The following IDE variants were observed in gnomAD, a reference collection of about 807,000 sequenced individuals.
The protein encoded by IDE is insulin-degrading enzyme.
In IDE, 58 loss-of-function variants were observed where a neutral mutation model predicts 133.2. The observed-to-expected ratio is 0.44, with a 90% CI of 0.35 to 0.54. The LOEUF is 0.54. Among genes scored for constraint, IDE ranks in the 20% least tolerant of loss-of-function variants. The probability of loss-of-function intolerance (pLI) is 0.00; values close to 1 mark genes in which losing one functional copy is unlikely to be tolerated. For synonymous variants in IDE, 396 were observed against 421.3 expected (o/e 0.94, Z 0.73); for missense variants, 981 against 1,234.0 (o/e 0.79, Z 3.07).
chr10:92,472,055 G>T (rs1845996121), intron 17 of IDE, among the ~76,000 whole-genome samples: 1 of 152,134 alleles, frequency 6.6e-6, no homozygotes, highest in South Asian at 2.1e-4. Flanking sequence ...TGAAGAGGCA[G>T]CCTCTCACAC....
intron 4 of IDE, among the ~76,000 whole-genome samples, chr10:92,515,635 C>A (rs1345560912): frequency 1.4e-5 from 2 of 146,620 alleles, no homozygotes; most frequent in African/African-American, 5.0e-5. Context: ...GATCTCGGCT[C>A]ACCCCAACCT....
In IDE at chr10:92,455,566, T is replaced by C. The variant is rs184522345; in HGVS notation, c.2964+10A>G. The C allele has an allele frequency of 3.4e-4, 519 of 1,513,512 alleles. No homozygotes were observed. Among genetic ancestry groups the C allele is most frequent in the Admixed American group, 1.8e-3 (108 of 59,216 alleles). 93.8% of individuals were successfully genotyped at this position (1,513,512 alleles called of 1,614,324 possible). On this transcript the variant is annotated intron_variant, in intron 24 of 24. Transcript: ENST00000265986. ...GTCAGTACAATCTAACATAACGTTA[T>C]ATTTCTTACTTGTGGCAAGGCTGGT...
chr10:92,568,537 C>T (rs1257775266), intron 1 of IDE, among the ~76,000 whole-genome samples: 1 of 152,066 alleles, frequency 6.6e-6, no homozygotes, highest in East Asian at 1.9e-4. Context: ...ATAATACAGC[C>T]GGGCACGGTG....
rs141915194 is a variant in IDE at position 92,504,870 on chromosome 10, C to T, written c.1354G>A (p.Ala452Thr). The T allele has an allele frequency of 4.4e-5, 69 of 1,562,112 alleles. No individual in the cohort carries two copies. The highest frequency in any genetic ancestry group is 5.7e-5 in the Non-Finnish European group (66 of 1,147,958). The change falls in exon 11 of 25, where the codon GCG becomes ACG. Residue 452 changes from alanine to threonine, a missense_variant. Ala to Thr is a moderately conservative substitution (Grantham distance 58). This residue lies in a region of IDE where 660 missense variants were observed against 894.7 expected (regional missense o/e 0.74). Coordinates refer to ENST00000265986, the MANE Select transcript of IDE (RefSeq NM_004969.4). The part of the protein sequence containing the change: ...HYYPLEEVLT[A>T]EYLLEEFRPD... Reference sequence around the variant, plus strand: ...CTAAATTCTTCCAGTAAATATTCCGCTGTGAGCACCTCTTCTAGGGGATAA... The same window carrying T: ...CTAAATTCTTCCAGTAAATATTCCGTTGTGAGCACCTCTTCTAGGGGATAA...
intron 22 of IDE, among the ~76,000 whole-genome samples, chr10:92,460,122 C>G (rs372628063): frequency 6.6e-6 from 1 of 152,138 alleles, no homozygotes; most frequent in Non-Finnish European, 1.5e-5. Context: ...CAGGCGTGAG[C>G]CACCACGCCC....
At chr10:92,527,217 T>C (rs995203241) in intron 4 of IDE, among the ~76,000 whole-genome samples, 11 of 152,208 alleles carry the variant, frequency 7.2e-5, no homozygotes, top group Non-Finnish European at 1.2e-4. Context: ...GAAAGAACTA[T>C]ATTTTTTTCA....
intron 11 of IDE, among the ~76,000 whole-genome samples, chr10:92,499,742 G>A (rs557957474): frequency 3.0e-4 from 46 of 152,188 alleles, no homozygotes; most frequent in African/African-American, 7.7e-4. Context: ...ATGTGTTTTC[G>A]TTAGTGGTTA....
rs982656587 is a variant in IDE at position 92,537,549 on chromosome 10, A to C, written c.100T>G (p.Phe34Val). Reference protein sequence around the residue: ...RLPPPERLCGFQKKTYSKMNN... With the variant: ...RLPPPERLCGVQKKTYSKMNN... ...ATTTTGCTGTAAGTCTTTTTTTGGA[A>C]ACTGAAAAGAAAGAGATTTTTAATT... The change falls in exon 2 of 25, where the codon TTC becomes GTC. Residue 34 changes from phenylalanine to valine, a missense_variant and splice_region_variant. Transcript: ENST00000265986. 3.8e-6 allele frequency: 6 copies of C among 1,583,946 alleles called. No individual in the cohort carries two copies. Among genetic ancestry groups the C allele is most frequent in the Non-Finnish European group, 5.1e-6 (6 of 1,166,088 alleles).
intron 1 of IDE, among the ~76,000 whole-genome samples, chr10:92,569,893 TG>T (rs960272283): frequency 2.6e-5 from 4 of 152,098 alleles, no homozygotes; most frequent in African/African-American, 9.7e-5. Context: ...GCAGATCACC[TG>T]AAGTCAGGAG....
At chr10:92,528,829 C>A (rs1462742652) in intron 4 of IDE, among the ~76,000 whole-genome samples, 1 of 152,146 alleles carries the variant, frequency 6.6e-6, no homozygotes, top group Non-Finnish European at 1.5e-5. Flanking sequence ...GTAATCCCAG[C>A]ACTTTGGAAG....
chr10:92,507,433 C>G (rs966897275), intron 9 of IDE, 142 bp downstream of exon 9: 4 of 638,366 alleles, frequency 6.3e-6, no homozygotes, highest in African/African-American at 1.8e-5. Flanking sequence ...TTAACTAATA[C>G]TATTATACAT....
chr10:92,537,258 T>C (rs1441411670), intron 2 of IDE, 108 bp downstream of exon 2: 8 of 782,822 alleles, frequency 1.0e-5, no homozygotes, highest in East Asian at 2.6e-5. Flanking sequence ...ATAAGGTACA[T>C]GGAACCGGTA....
At chr10:92,508,305 C>G in intron 7 of IDE, 100 bp from the exon 8 acceptor site, 1 of 865,986 alleles carries the variant, frequency 1.2e-6, no homozygotes, top group Non-Finnish European at 1.9e-6. Context: ...CCTAAGATAT[C>G]AGAATGAACC....
chr10:92,572,901 T>C (rs1371579682), intron 1 of IDE: 4 of 984,890 alleles, frequency 4.1e-6, no homozygotes, highest in Non-Finnish European at 4.8e-6. Context: ...CTTCTGACCC[T>C]CATCAACACA....
rs61875366 is a variant in IDE at position 92,482,483 on chromosome 10, A to T, written c.1739+772T>A. ...GCCAGAAATAGAGGAAGCAGTATCTAAGGGTTCCAGACAAAGGACAAAACA... is the reference window on the plus strand; with the variant it reads ...GCCAGAAATAGAGGAAGCAGTATCTTAGGGTTCCAGACAAAGGACAAAACA... On this transcript the variant is annotated intron_variant, in intron 14 of 24. Transcript: ENST00000265986. 7.2e-4 allele frequency among the ~76,000 whole-genome samples: 110 copies of T among 152,356 alleles called. 1 individual carries two copies. In the Middle Eastern group the frequency reaches 0.017, roughly 24 times the overall value.
intron 7 of IDE, among the ~76,000 whole-genome samples, chr10:92,508,524 G>A (rs534043436): frequency 6.8e-6 from 1 of 147,782 alleles, no homozygotes; most frequent in Admixed American, 6.9e-5. Context: ...GACTAGCCTA[G>A]GCAAAATGGC....
At chr10:92,493,628 A>C (rs1847507330) in intron 11 of IDE, among the ~76,000 whole-genome samples, 1 of 152,140 alleles carries the variant, frequency 6.6e-6, no homozygotes, top group Non-Finnish European at 1.5e-5. Flanking sequence ...CTCATCAAGT[A>C]CAGTCCTTAG....
At chr10:92,529,994 G>A (rs770175559) in intron 4 of IDE, among the ~76,000 whole-genome samples, 5 of 152,122 alleles carry the variant, frequency 3.3e-5, no homozygotes, top group Non-Finnish European at 5.9e-5. Flanking sequence ...GGAAGGCCGA[G>A]GCAGGCGGAT....
intron 15 of IDE, among the ~76,000 whole-genome samples, chr10:92,477,376 G>A (rs192549427): frequency 1.3e-3 from 194 of 150,836 alleles, no homozygotes; most frequent in Middle Eastern, 3.7e-3. Flanking sequence ...GGCTGGTCTC[G>A]AACTCCTGAG....
Sources: gnomAD v4.1 joint callset for allele counts (sites outside exome capture counted in the v4.1 genomes callset) on GRCh38, gnomAD v4.1.1 for gene constraint, gnomAD v4.1.1 regional missense constraint, MANE v1.5 for transcripts, NCBI Gene and HGNC (gene_info 2026-07-23, HGNC 2026-07-21) for gene names.